DOCK1: variants seen among roughly 807,000 people sequenced by gnomAD.
DOCK1 encodes the protein dedicator of cytokinesis 1.
In DOCK1, 138 loss-of-function variants were observed where a neutral mutation model predicts 262.7. The observed-to-expected ratio is 0.53, with a 90% confidence interval of 0.46 to 0.61. DOCK1 has a LOEUF of 0.61. Ranked by LOEUF, DOCK1 falls within the 20% of genes least tolerant of loss-of-function variation. The pLI is 0.00. For missense variants in DOCK1, 1,908 were observed against 2,370.7 expected (o/e 0.80, Z 4.05); for synonymous variants, 866 against 867.4 (o/e 1.00, Z 0.03).
At chr10:127,104,157 G>A (rs1376685290) in intron 23 of DOCK1, among the ~76,000 whole-genome samples, 13 of 152,116 alleles carry the variant, frequency 8.5e-5, no homozygotes, top group African/African-American at 3.1e-4. Context: ...AGGGTTCTTT[G>A]TGTATTCTGT....
rs190840115 is a variant in DOCK1, at chr10:126,977,279, G to A, written c.131-669G>A. Among the ~76,000 whole-genome samples the A allele has an allele frequency of 3.5e-4, 53 of 152,242 alleles. No homozygotes were observed. The East Asian group carries it at 8.5e-3, about 25-fold the overall frequency. ...CTTCTGTGTGGCATCCATGGCATGC[G>A]GATGGTTCGAGTGTGTCTTTCTTTC... is the stretch of plus-strand genomic sequence containing the variant. On this transcript the variant is annotated intron_variant, in intron 2 of 51. Coordinates refer to ENST00000623213, the MANE Select transcript of DOCK1 (RefSeq NM_001290223.2).
intron 29 of DOCK1, among the ~76,000 whole-genome samples, chr10:127,317,378 T>G (rs2135539883): frequency 6.6e-6 from 1 of 152,326 alleles, no homozygotes; most frequent in African/African-American, 2.4e-5. Flanking sequence ...ATTCTTGGAT[T>G]TGCTGAAATC....
At chr10:126,933,103 C>T (rs1395415836) in intron 1 of DOCK1, among the ~76,000 whole-genome samples, 1 of 152,058 alleles carries the variant, frequency 6.6e-6, no homozygotes, top group African/African-American at 2.4e-5. Context: ...GGACCTTCCT[C>T]TGGGAGGCTG....
At chr10:127,089,134 C>T (rs967163307) in intron 23 of DOCK1, among the ~76,000 whole-genome samples, 1 of 152,216 alleles carries the variant, frequency 6.6e-6, no homozygotes, top group African/African-American at 2.4e-5. Context: ...CCTGCCCATA[C>T]ACATGGAGCC....
chr10:127,031,918 A>G (rs1365947265), intron 17 of DOCK1, among the ~76,000 whole-genome samples, 165 bp downstream of exon 17: 3 of 152,208 alleles, frequency 2.0e-5, no homozygotes, highest in African/African-American at 7.2e-5. Flanking sequence ...TGTTGTTCCT[A>G]ACGGGAAAAG....
At chr10:127,126,323 C>A (rs973872692) in intron 26 of DOCK1, among the ~76,000 whole-genome samples, 4 of 152,110 alleles carry the variant, frequency 2.6e-5, no homozygotes, top group African/African-American at 9.7e-5. Flanking sequence ...TCTCAAACTC[C>A]TGACTTCGTG....
intron 27 of DOCK1, among the ~76,000 whole-genome samples, chr10:127,185,531 C>G (rs536037791): frequency 3.7e-4 from 57 of 152,282 alleles, no homozygotes; most frequent in African/African-American, 1.3e-3. Flanking sequence ...TCACAGTATC[C>G]TTAGAGCTGG....
At chr10:127,349,326 C>T (rs181585418) in intron 31 of DOCK1, among the ~76,000 whole-genome samples, 38 of 152,190 alleles carry the variant, frequency 2.5e-4, no homozygotes, top group Middle Eastern at 3.4e-3. Context: ...CTCCCCACAT[C>T]CTCAACATGT....
intron 30 of DOCK1, among the ~76,000 whole-genome samples, chr10:127,342,387 G>C (rs1354884482): frequency 6.6e-6 from 1 of 152,118 alleles, no homozygotes; most frequent in Non-Finnish European, 1.5e-5. Flanking sequence ...GAGGTTGGGG[G>C]TGCCTGGCTC....
At chr10:127,202,283 A>G (rs1417243621) in intron 27 of DOCK1, among the ~76,000 whole-genome samples, 1 of 151,856 alleles carries the variant, frequency 6.6e-6, no homozygotes, top group Non-Finnish European at 1.5e-5. Context: ...AGATCGCGCC[A>G]TGGCATTCCA....
intron 1 of DOCK1, among the ~76,000 whole-genome samples, chr10:126,912,235 C>G (rs564801462): frequency 6.6e-6 from 1 of 152,052 alleles, no homozygotes; most frequent in Non-Finnish European, 1.5e-5. Context: ...TAGAGACCAG[C>G]CTGGCCAATA....
At chr10:127,232,017 A>G (rs2058861164) in intron 27 of DOCK1, among the ~76,000 whole-genome samples, 1 of 152,138 alleles carries the variant, frequency 6.6e-6, no homozygotes, top group Non-Finnish European at 1.5e-5. Flanking sequence ...AATTTATGCA[A>G]TTTGTGTCAA....
chr10:127,413,257 G>A (rs2067965751), intron 43 of DOCK1, among the ~76,000 whole-genome samples: 1 of 152,180 alleles, frequency 6.6e-6, no homozygotes, highest in South Asian at 2.1e-4. Flanking sequence ...TAAGAATAAC[G>A]AAGGCTCTTG....
At chr10:127,355,206 A>G (rs1418264929) in intron 32 of DOCK1, among the ~76,000 whole-genome samples, 1 of 151,954 alleles carries the variant, frequency 6.6e-6, no homozygotes, top group African/African-American at 2.4e-5. Context: ...CTGTGTGTGT[A>G]TATGAAATTA....
rs1031240164 is a variant in DOCK1 at position 127,384,978 on chromosome 10, G to A, written c.3927+69G>A. On this transcript the variant is annotated intron_variant, in intron 38 of 51. Transcript: ENST00000623213. ...CACCTACCTGCAGTGTTGTAAACAC[G>A]TTTTTTAGCGTGTGATTTTTGCAGA... 6.4e-6 allele frequency: 9 copies of A among 1,403,356 alleles called. No individual in the cohort carries two copies. The African/African-American group carries it at 8.8e-5, about 14-fold the overall frequency. 86.9% of individuals were successfully genotyped at this position (1,403,356 alleles called of 1,614,324 possible).
chr10:127,057,700 A>G (rs1313285259), intron 22 of DOCK1, among the ~76,000 whole-genome samples: 1 of 152,220 alleles, frequency 6.6e-6, no homozygotes, highest in Non-Finnish European at 1.5e-5. Flanking sequence ...ATTCTGCATC[A>G]GAATCAAATT....
chr10:126,974,320 G>A (rs2038347922), intron 2 of DOCK1, among the ~76,000 whole-genome samples: 1 of 152,162 alleles, frequency 6.6e-6, no homozygotes, highest in African/African-American at 2.4e-5. Context: ...TTGTCCTTTT[G>A]ATTCAGCCAC....
chr10:127,140,330 C>T (rs1369829490), intron 27 of DOCK1, among the ~76,000 whole-genome samples: 1 of 152,124 alleles, frequency 6.6e-6, no homozygotes, highest in Admixed American at 6.5e-5. Context: ...GTTTGCACTC[C>T]CCATTATGCT....
intron 29 of DOCK1, among the ~76,000 whole-genome samples, chr10:127,295,584 G>A (rs1400966289): frequency 6.6e-6 from 1 of 152,106 alleles, no homozygotes; most frequent in African/African-American, 2.4e-5. Flanking sequence ...TACTTGAGGG[G>A]CTGAGGCGAG....
Sources: gnomAD v4.1 joint callset for allele counts (sites outside exome capture counted in the v4.1 genomes callset) on GRCh38, gnomAD v4.1.1 for gene constraint, MANE v1.5 for transcripts, NCBI Gene and HGNC (gene_info 2026-07-23, HGNC 2026-07-21) for gene names.